CYSTM1: variants seen among roughly 807,000 people sequenced by gnomAD.
CYSTM1 encodes cysteine-rich transmembrane module-containing protein 1.
A neutral mutation model predicts 13.1 loss-of-function variants in CYSTM1; 4 were observed. The ratio of observed to expected loss-of-function variants is 0.31; its 90% CI spans 0.15 to 0.70. CYSTM1 has a LOEUF of 0.70. CYSTM1 is among the 30% of genes least tolerant of loss of function. The pLI, the probability that CYSTM1 is intolerant of heterozygous loss-of-function variation, is 0.72. For synonymous variants in CYSTM1, 36 were observed against 42.7 expected, an observed-to-expected ratio of 0.84 and a Z score of 0.62; for missense variants, 96 against 121.6, an observed-to-expected ratio of 0.79 and a Z score of 0.99.
intron 2 of CYSTM1, among the ~76,000 whole-genome samples, chr5:140,195,439 CTTTTT>C (rs35389567): frequency 9.9e-6 from 1 of 101,364 alleles, no homozygotes; most frequent in African/African-American, 3.9e-5. Flanking sequence ...GCCCTTTCAG[CTTTTT>C]TTTTTTTTTT....
At position 140,233,589 on chromosome 5, in the gene CYSTM1, G is replaced by A. The variant is rs59225443; in HGVS notation, c.188-9716G>A. Among the ~76,000 whole-genome samples the A allele has an allele frequency of 9.6e-3, 1,459 of 152,290 alleles. 17 individuals carry two copies. Among genetic ancestry groups the A allele is most frequent in the African/African-American group, 0.031 (1,274 of 41,544 alleles). On this transcript the variant is annotated intron_variant, in intron 2 of 2. Coordinates refer to ENST00000261811, the MANE Select transcript of CYSTM1 (RefSeq NM_032412.4). ...TTCCAAAGTGGCTTTGGCATCGTGC[G>A]TTCCTATCAGTAATGAATGAGAGTT...
Position 140,239,554 on chromosome 5 carries a change from G to A in CYSTM1, c.188-3751G>A, listed in dbSNP as rs947787702. On this transcript the variant is annotated intron_variant, in intron 2 of 2. Coordinates refer to ENST00000261811, the MANE Select transcript of CYSTM1 (RefSeq NM_032412.4). The surrounding 1 kb of genome is among the most constrained non-coding windows in gnomAD (Gnocchi z 5.4). ...CTTCCAGCTTGAAGGCAAGAAGGTGGGAGGTGCCCCTGCCAGAAACTGCTC... is the reference window on the plus strand; with the variant it reads ...CTTCCAGCTTGAAGGCAAGAAGGTGAGAGGTGCCCCTGCCAGAAACTGCTC... 6.6e-6 allele frequency among the ~76,000 whole-genome samples: 1 copy of A among 152,188 alleles called. No individual in the cohort carries two copies. The highest frequency in any genetic ancestry group is 2.4e-5 in the African/African-American group (1 of 41,452).
At position 140,243,695 on chromosome 5, in the gene CYSTM1, A is replaced by G. The variant is rs1035019365; in HGVS notation, c.*284A>G. The G allele has an allele frequency of 3.7e-6, 1 of 267,510 alleles. No homozygotes were observed. The highest frequency in any genetic ancestry group is 5.7e-5 in the South Asian group (1 of 17,430). 16.6% of individuals were successfully genotyped at this position (267,510 alleles called of 1,614,324 possible). On this transcript the variant is annotated 3_prime_UTR_variant, in exon 3 of 3. Coordinates refer to ENST00000261811, the MANE Select transcript of CYSTM1 (RefSeq NM_032412.4). ...GAAAAATATAATTTTTAAATTATACATTCAAGGTAGTGGCCAAATGTAACA... is the reference window on the plus strand; with the variant it reads ...GAAAAATATAATTTTTAAATTATACGTTCAAGGTAGTGGCCAAATGTAACA...
At chr5:140,189,269 ACT>A (rs1764061022) in intron 1 of CYSTM1, among the ~76,000 whole-genome samples, 1 of 151,848 alleles carries the variant, frequency 6.6e-6, no homozygotes, top group Non-Finnish European at 1.5e-5. Context: ...ATGAGTTCTC[ACT>A]CTATTAGTCA....
At chr5:140,199,618 G>A (rs1312267086) in intron 2 of CYSTM1, among the ~76,000 whole-genome samples, 1 of 152,212 alleles carries the variant, frequency 6.6e-6, no homozygotes, top group Non-Finnish European at 1.5e-5. Flanking sequence ...AGCCCCCTGA[G>A]TAGCTGGGAT....
intron 2 of CYSTM1, among the ~76,000 whole-genome samples, chr5:140,240,172 A>ACC (rs56979453): frequency 0.028 from 4,285 of 150,600 alleles, 196 homozygotes; most frequent in African/African-American, 0.098. Context: ...CCATCCCAGC[A>ACC]CCCCCCCACT....
At chr5:140,207,177 C>A (rs1479150179) in intron 2 of CYSTM1, among the ~76,000 whole-genome samples, 2 of 152,112 alleles carry the variant, frequency 1.3e-5, no homozygotes, top group East Asian at 3.9e-4. Flanking sequence ...ACATATATAC[C>A]TTTTGCTATG....
Position 140,194,438 on chromosome 5 carries a change from T to G in CYSTM1, c.-20-8T>G, listed in dbSNP as rs1486785631. ...ATGCAAATAATTTTCATTCTTTTTGTCTCTTAGGTGCACTTTACAGGTCCC... is the reference window on the plus strand; with the variant it reads ...ATGCAAATAATTTTCATTCTTTTTGGCTCTTAGGTGCACTTTACAGGTCCC... On this transcript the variant is annotated splice_region_variant and splice_polypyrimidine_tract_variant and intron_variant, in intron 1 of 2. Transcript: ENST00000261811. The G allele has an allele frequency of 1.3e-6, 2 of 1,533,988 alleles. No individual in the cohort carries two copies. The highest frequency in any genetic ancestry group is 4.8e-5 in the East Asian group (2 of 41,874).
intron 2 of CYSTM1, among the ~76,000 whole-genome samples, chr5:140,207,747 C>A (rs1436717800): frequency 6.6e-6 from 1 of 152,264 alleles, no homozygotes; most frequent in Admixed American, 6.5e-5. Context: ...AATGCCACTT[C>A]CTCTGTGTGG....
intron 2 of CYSTM1, among the ~76,000 whole-genome samples, chr5:140,221,690 CA>C (rs1764494570): frequency 6.6e-6 from 1 of 152,208 alleles, no homozygotes; most frequent in Non-Finnish European, 1.5e-5. Flanking sequence ...AATATCTGTT[CA>C]AGTCCCTACT....
intron 1 of CYSTM1, among the ~76,000 whole-genome samples, chr5:140,179,296 C>T (rs1763930405): frequency 6.7e-6 from 1 of 150,286 alleles, no homozygotes; most frequent in Non-Finnish European, 1.5e-5. Context: ...CGGTGGCCCA[C>T]ACCTGTAATC....
chr5:140,191,906 A>C (rs1316587015), intron 1 of CYSTM1, among the ~76,000 whole-genome samples: 1 of 152,176 alleles, frequency 6.6e-6, no homozygotes, highest in Non-Finnish European at 1.5e-5. Flanking sequence ...AATAAAATGC[A>C]TTTGCTTTTG....
At chr5:140,213,358 T>C (rs980364726) in intron 2 of CYSTM1, among the ~76,000 whole-genome samples, 12 of 152,304 alleles carry the variant, frequency 7.9e-5, no homozygotes, top group Middle Eastern at 3.4e-3. Flanking sequence ...ATAATATATT[T>C]ATGTTTTAAG....
chr5:140,235,666 A>G (rs745410084), intron 2 of CYSTM1, among the ~76,000 whole-genome samples: 8 of 152,138 alleles, frequency 5.3e-5, no homozygotes, highest in Non-Finnish European at 8.8e-5. Context: ...CAGCCTCCCA[A>G]AGTGCTGGGA....
At position 140,178,441 on chromosome 5, in the gene CYSTM1, C is replaced by CTTTTTTTTTTTTTT. The variant is rs577709524; in HGVS notation, c.-21+3168_-21+3181dup. On this transcript the variant is annotated intron_variant, in intron 1 of 2. Coordinates refer to ENST00000261811, the MANE Select transcript of CYSTM1 (RefSeq NM_032412.4). ...TGGAAAAGCCCTATTCAAGTCCTTCCTTTTTTTTTTTTTTTTTTTTTTTTT... is the reference window on the plus strand; with the variant it reads ...TGGAAAAGCCCTATTCAAGTCCTTCCTTTTTTTTTTTTTTTTTTTTTTTTTTTTTTTTTTTTTTT... Among the ~76,000 whole-genome samples, 60 of 52,666 alleles carry CTTTTTTTTTTTTTT rather than the reference C, an allele frequency of 1.1e-3. 6 individuals are homozygous for CTTTTTTTTTTTTTT. Among genetic ancestry groups the CTTTTTTTTTTTTTT allele is most frequent in the African/African-American group, 3.6e-3 (42 of 11,822 alleles). 34.6% of individuals were successfully genotyped at this position (52,666 alleles called of 152,430 possible). A position where few individuals can be genotyped will look rare whatever the true frequency, so the allele number is the denominator to read the frequency against.
intron 1 of CYSTM1, among the ~76,000 whole-genome samples, chr5:140,179,426 G>T (rs980693756): frequency 1.3e-5 from 2 of 151,844 alleles, no homozygotes; most frequent in African/African-American, 4.8e-5. Flanking sequence ...GAGCATGGTG[G>T]CATACGCCTG....
At chr5:140,195,379 GT>G (rs1163580846) in intron 2 of CYSTM1, among the ~76,000 whole-genome samples, 1 of 151,456 alleles carries the variant, frequency 6.6e-6, no homozygotes, top group Non-Finnish European at 1.5e-5. Context: ...AGATGTCTTG[GT>G]CACTATTTTG....
At chr5:140,236,753 C>G (rs1341705086) in intron 2 of CYSTM1, among the ~76,000 whole-genome samples, 1 of 152,212 alleles carries the variant, frequency 6.6e-6, no homozygotes, top group African/African-American at 2.4e-5. Flanking sequence ...GCCAGGACCT[C>G]GGCTCAGGTC....
chr5:140,194,631 C>T lies in CYSTM1; in HGVS notation c.166C>T (p.Gln56Ter), dbSNP rs768791841. The T allele has an allele frequency of 6.2e-7, 1 of 1,612,964 alleles. No individual in the cohort carries two copies. Among genetic ancestry groups the T allele is most frequent in the South Asian group, 1.1e-5 (1 of 90,952 alleles). Reference sequence around the variant, plus strand: ...ACAGTACGGCTGGCAGGGTGGACCTCAGGAGCCTCCTAAAACCACAGGTGT... The same window carrying T: ...ACAGTACGGCTGGCAGGGTGGACCTTAGGAGCCTCCTAAAACCACAGGTGT... Reference protein sequence around the residue: ...YPQYGWQGGPQEPPKTTVYVV... With the variant: ...YPQYGWQGGP Residue 56 changes from glutamine to a stop codon, truncating the protein, a stop_gained, in exon 2 of 3, where the codon CAG (glutamine) becomes TAG (stop). Coordinates refer to ENST00000261811, the MANE Select transcript of CYSTM1 (RefSeq NM_032412.4). LOFTEE classifies it high-confidence loss of function.
Sources: gnomAD v4.1 joint callset for allele counts (sites outside exome capture counted in the v4.1 genomes callset) on GRCh38, gnomAD v4.1.1 for gene constraint, Gnocchi (gnomAD v3.1) non-coding constraint, MANE v1.5 for transcripts, NCBI Gene and HGNC (gene_info 2026-07-23, HGNC 2026-07-21) for gene names.